Variants in CFAP299 observed in about 807,000 individuals in gnomAD.
CFAP299 encodes the protein cilia and flagella associated protein 299.
A neutral mutation model predicts 27.0 loss-of-function variants in CFAP299; 21 were observed. The ratio of observed to expected loss-of-function variants is 0.78; its 90% confidence interval spans 0.55 to 1.12. The LOEUF (loss-of-function observed/expected upper bound fraction) is 1.12. Among genes scored for constraint, CFAP299 ranks in the 50% most tolerant of loss-of-function variants. The pLI, the probability that CFAP299 is intolerant of heterozygous loss-of-function variation, is 0.00. For synonymous variants in CFAP299, 104 were observed against 98.1 expected (o/e 1.06, Z -0.36); for missense variants, 310 against 276.6 (o/e 1.12, Z -0.86).
chr4:80,878,874 T>C (rs1031485502), intron 4 of CFAP299, among the ~76,000 whole-genome samples: 9 of 152,130 alleles, frequency 5.9e-5, no homozygotes, highest in Admixed American at 2.6e-4. Flanking sequence ...CCTTGAGATA[T>C]TGTCTTATCA....
At chr4:80,947,756 A>G (rs920902388) in intron 5 of CFAP299, among the ~76,000 whole-genome samples, 1 of 152,166 alleles carries the variant, frequency 6.6e-6, no homozygotes, top group Admixed American at 6.5e-5. Context: ...ATATATTTTA[A>G]TTATTGTGGA....
intron 3 of CFAP299, among the ~76,000 whole-genome samples, chr4:80,610,274 T>C (rs1291591037): frequency 1.3e-5 from 2 of 152,066 alleles, no homozygotes; most frequent in Non-Finnish European, 2.9e-5. Flanking sequence ...AGCACACTGA[T>C]TTCCCTGGAG....
At chr4:80,656,421 T>C (rs1740558333) in intron 3 of CFAP299, among the ~76,000 whole-genome samples, 1 of 152,064 alleles carries the variant, frequency 6.6e-6, no homozygotes, top group Non-Finnish European at 1.5e-5. Context: ...TTCCCCTCCT[T>C]GTGTCCGTGG....
intron 3 of CFAP299, among the ~76,000 whole-genome samples, chr4:80,805,783 A>T (rs1560422081): frequency 6.6e-6 from 1 of 152,184 alleles, no homozygotes; most frequent in Non-Finnish European, 1.5e-5. Flanking sequence ...GTGAGGCAGG[A>T]GGCTCGCTTG....
the CFAP299 span, among the ~76,000 whole-genome samples, chr4:80,328,515 G>T: frequency 6.6e-6 from 1 of 151,912 alleles, no homozygotes; most frequent in East Asian, 1.9e-4. Flanking sequence ...AGGTAGGGGT[G>T]GGGGTGGAGT....
chr4:80,473,267 A>G (rs1158434587), intron 2 of CFAP299, among the ~76,000 whole-genome samples: 1 of 152,190 alleles, frequency 6.6e-6, no homozygotes, highest in East Asian at 1.9e-4. Context: ...GGCGAGGATC[A>G]GGGAAAAGAA....
At chr4:80,772,380 A>C (rs1398616380) in intron 3 of CFAP299, among the ~76,000 whole-genome samples, 1 of 152,124 alleles carries the variant, frequency 6.6e-6, no homozygotes, top group Non-Finnish European at 1.5e-5. Flanking sequence ...GGACACAGGA[A>C]CATAACTGCA....
At chr4:80,800,544 ATATAT>A (rs1422748049) in intron 3 of CFAP299, among the ~76,000 whole-genome samples, 3,622 of 43,602 alleles carry the variant, frequency 0.083, 400 homozygotes, top group African/African-American at 0.14. Flanking sequence ...ATAATATATA[ATATAT>A]CAATATATTA....
rs115733099 is a variant in CFAP299, at chr4:80,729,466, A to G, written c.334-140527A>G. ...TGTCACTCTGGAGATTGTATTATAA[A>G]AAGACCGTGGCTTCCTTCTTGGGCA... On this transcript the variant is annotated intron_variant, in intron 3 of 5. Transcript: ENST00000358105. Among the ~76,000 whole-genome samples the G allele has an allele frequency of 8.1e-3, 1,235 of 152,230 alleles. 15 individuals carry two copies. The highest frequency in any genetic ancestry group is 0.028 in the African/African-American group (1,164 of 41,540).
At chr4:80,391,034 T>G (rs1311354199) in intron 2 of CFAP299, among the ~76,000 whole-genome samples, 1 of 124,024 alleles carries the variant, frequency 8.1e-6, no homozygotes, top group Non-Finnish European at 1.8e-5. Flanking sequence ...TATATATGTA[T>G]ACACACACAC....
intron 3 of CFAP299, among the ~76,000 whole-genome samples, chr4:80,799,111 G>A (rs141978417): frequency 0.019 from 2,288 of 120,354 alleles, 57 homozygotes; most frequent in African/African-American, 0.06. Context: ...ATATATTTAT[G>A]TAAATATATT....
chr4:80,519,178 ATG>A (rs67077343), intron 2 of CFAP299, among the ~76,000 whole-genome samples: 57,959 of 150,238 alleles, frequency 0.39, 14,312 homozygotes, highest in African/African-American at 0.71. Context: ...CTCTGTTAAT[ATG>A]TGTGTGTGTG....
At chr4:80,731,452 TAGA>T (rs1264568428) in intron 3 of CFAP299, among the ~76,000 whole-genome samples, 1 of 152,224 alleles carries the variant, frequency 6.6e-6, no homozygotes, top group African/African-American at 2.4e-5. Flanking sequence ...ACTTTCAAAT[TAGA>T]AGGAGTCAAG....
chr4:80,361,506 A>AGGCCAAT, intron 1 of CFAP299, among the ~76,000 whole-genome samples: 3 of 152,284 alleles, frequency 2.0e-5, no homozygotes, highest in Admixed American at 2.0e-4. Context: ...TAATTCCACT[A>AGGCCAAT]GGTGGAGATA....
chr4:80,707,395 C>T (rs1721883679), intron 3 of CFAP299, among the ~76,000 whole-genome samples: 1 of 151,964 alleles, frequency 6.6e-6, no homozygotes, highest in African/African-American at 2.4e-5. Context: ...CAGCCATGCT[C>T]ATCTGTTTAT....
At chr4:80,772,202 G>A (rs1726258139) in intron 3 of CFAP299, among the ~76,000 whole-genome samples, 1 of 152,158 alleles carries the variant, frequency 6.6e-6, no homozygotes, top group African/African-American at 2.4e-5. Context: ...AAGATTAGTG[G>A]TCAATAAGAG....
At position 80,590,554 on chromosome 4, in the gene CFAP299, T is replaced by G. The variant is rs189387993; in HGVS notation, c.333+7371T>G. Among the ~76,000 whole-genome samples the G allele has an allele frequency of 5.6e-3, 857 of 152,208 alleles. 8 individuals carry two copies. The highest frequency in any genetic ancestry group is 0.018 in the African/African-American group (749 of 41,514). On this transcript the variant is annotated intron_variant, in intron 3 of 5. Coordinates refer to ENST00000358105, the MANE Select transcript of CFAP299 (RefSeq NM_152770.3). ...TGGGAGGCTGAGGCAGGAGAATTGT[T>G]TGAACCCGGGAGGCGGAGGTTGCAG...
At chr4:80,916,295 A>ATATATATATAT (rs1405206483) in intron 4 of CFAP299, among the ~76,000 whole-genome samples, 2 of 125,568 alleles carry the variant, frequency 1.6e-5, no homozygotes, top group African/African-American at 6.4e-5. Flanking sequence ...ATATATATAT[A>ATATATATATAT]TTTCAGGTAC....
chr4:80,441,728 G>A (rs922378435), intron 2 of CFAP299, among the ~76,000 whole-genome samples: 4 of 152,126 alleles, frequency 2.6e-5, no homozygotes, highest in African/African-American at 9.7e-5. Context: ...ATGTAAATGG[G>A]CTAAATGCCC....
Sources: allele counts gnomAD v4.1 joint callset (sites outside exome capture counted in the v4.1 genomes callset), GRCh38; gene constraint gnomAD v4.1.1; transcripts MANE v1.5; gene names NCBI Gene and HGNC (gene_info 2026-07-23, HGNC 2026-07-21).